The following MMS22L variants were observed in gnomAD, a reference collection of about 807,000 sequenced individuals.
MMS22L encodes the protein protein MMS22-like.
MMS22L carries 74 observed loss-of-function variants against 159.1 expected under a neutral mutation model. The ratio of observed to expected loss-of-function variants is 0.47; its 90% confidence interval spans 0.39 to 0.56. The LOEUF (loss-of-function observed/expected upper bound fraction) is 0.56, where lower values mean the gene tolerates loss of function less well. MMS22L is among the 20% of genes least tolerant of loss of function. The probability of loss-of-function intolerance (pLI) is 0.00; values close to 1 mark genes in which losing one functional copy is unlikely to be tolerated. For synonymous variants in MMS22L, 517 were observed against 506.9 expected (o/e 1.02, Z -0.27); for missense variants, 1,351 against 1,422.1 (o/e 0.95, Z 0.80).
intron 14 of MMS22L, among the ~76,000 whole-genome samples, chr6:97,206,140 C>T (rs1031503426): frequency 1.3e-5 from 2 of 152,110 alleles, no homozygotes; most frequent in Admixed American, 6.5e-5. Context: ...CAAATGAGTG[C>T]CCTCCAACCC....
chr6:97,270,059 TCA>T, intron 6 of MMS22L, 67 bp from the exon 7 acceptor site: 1 of 1,194,350 alleles, frequency 8.4e-7, no homozygotes, highest in Non-Finnish European at 1.2e-6. Context: ...TCATAGCATG[TCA>T]CAATACTCCT....
intron 14 of MMS22L, 80 bp from the exon 15 acceptor site, chr6:97,186,770 C>T: frequency 9.9e-7 from 1 of 1,009,718 alleles, no homozygotes; most frequent in Non-Finnish European, 1.4e-6. Flanking sequence ...TGAGCTTTTT[C>T]CATTTATATC....
intron 14 of MMS22L, among the ~76,000 whole-genome samples, chr6:97,209,102 A>G (rs979092194): frequency 6.6e-6 from 1 of 151,948 alleles, no homozygotes; most frequent in African/African-American, 2.4e-5. Context: ...CTATTTCAAA[A>G]TATCTTTCCT....
chr6:97,172,511 GAT>G (rs1201784916), intron 19 of MMS22L, among the ~76,000 whole-genome samples: 5 of 152,100 alleles, frequency 3.3e-5, no homozygotes, highest in African/African-American at 1.2e-4. Flanking sequence ...GTGAAAAAAA[GAT>G]ATGTTAATCA....
chr6:97,202,690 C>G (rs1167694502), intron 14 of MMS22L, among the ~76,000 whole-genome samples: 2 of 152,126 alleles, frequency 1.3e-5, no homozygotes, highest in Non-Finnish European at 2.9e-5. Flanking sequence ...GTGTATCTGA[C>G]TCCAAAGCAT....
intron 14 of MMS22L, among the ~76,000 whole-genome samples, chr6:97,223,340 T>A (rs63212660): frequency 0.65 from 98,658 of 151,380 alleles, 33,453 homozygotes; most frequent in Non-Finnish European, 0.76. Flanking sequence ...GGCTAAGGTT[T>A]AAGTATTTCA....
intron 14 of MMS22L, among the ~76,000 whole-genome samples, chr6:97,226,568 C>T (rs1202117917): frequency 6.6e-6 from 1 of 151,794 alleles, no homozygotes; most frequent in Non-Finnish European, 1.5e-5. Flanking sequence ...CACTCCAGCT[C>T]GGGTGCACAG....
At chr6:97,273,467 C>T (rs977439563) in intron 4 of MMS22L, among the ~76,000 whole-genome samples, 28 of 152,072 alleles carry the variant, frequency 1.8e-4, no homozygotes, top group African/African-American at 6.8e-4. Flanking sequence ...ATATCTCTTC[C>T]CATATGTATG....
chr6:97,195,646 C>A (rs1806413944), intron 14 of MMS22L, among the ~76,000 whole-genome samples: 1 of 152,054 alleles, frequency 6.6e-6, no homozygotes, highest in African/African-American at 2.4e-5. Context: ...AATGGTTAAT[C>A]CTGCTGTTAA....
intron 14 of MMS22L, among the ~76,000 whole-genome samples, chr6:97,228,200 C>T (rs559967406): frequency 1.3e-5 from 2 of 152,254 alleles, no homozygotes; most frequent in South Asian, 2.1e-4. Flanking sequence ...ATATCTGTAA[C>T]GTATCTCTGG....
intron 16 of MMS22L, among the ~76,000 whole-genome samples, chr6:97,181,642 T>C (rs558822596): frequency 4.6e-5 from 7 of 152,246 alleles, no homozygotes; most frequent in African/African-American, 1.7e-4. Flanking sequence ...CACTTCAGTA[T>C]GATGATAAGG....
At chr6:97,220,864 CA>C (rs1443228034) in intron 14 of MMS22L, among the ~76,000 whole-genome samples, 1 of 151,028 alleles carries the variant, frequency 6.6e-6, no homozygotes, top group Non-Finnish European at 1.5e-5. Flanking sequence ...CACACTAAAA[CA>C]ACAACAACAA....
chr6:97,277,667 T>C (rs1389544122), intron 4 of MMS22L, among the ~76,000 whole-genome samples: 3 of 151,970 alleles, frequency 2.0e-5, no homozygotes, highest in East Asian at 3.9e-4. Flanking sequence ...TAGATAAAAA[T>C]TAAAATACCC....
intron 11 of MMS22L, among the ~76,000 whole-genome samples, chr6:97,241,573 C>A (rs1466840284): frequency 6.6e-6 from 1 of 151,808 alleles, no homozygotes; most frequent in African/African-American, 2.4e-5. Flanking sequence ...ATTTTTTCAT[C>A]TGTTTCTTGG....
chr6:97,224,265 CTTTT>C (rs1440908590), intron 14 of MMS22L, among the ~76,000 whole-genome samples: 1 of 152,192 alleles, frequency 6.6e-6, no homozygotes, highest in African/African-American at 2.4e-5. Context: ...CTTCATCATC[CTTTT>C]TTGATTTCTA....
chr6:97,244,370 A>T (rs1186739372), intron 11 of MMS22L, among the ~76,000 whole-genome samples: 1 of 152,132 alleles, frequency 6.6e-6, no homozygotes, highest in African/African-American at 2.4e-5. Flanking sequence ...GTAGAGAAAG[A>T]CTGTTGATAG....
In MMS22L at chr6:97,273,019, C is replaced by T. The variant is rs138805555; in HGVS notation, c.384G>A (p.Gln128=). Residue 128 remains glutamine, a synonymous_variant, in exon 5 of 25, where the codon CAG becomes CAA. Transcript: ENST00000683635. The part of the protein sequence containing the change: ...TLHCKADNIR[Q]QCVLFLHYVK... The stretch of plus-strand genomic sequence containing the variant: ...CATAATGGAGAAATAGTACACACTG[C>T]TGCCTAATATTGTCTGCTTTGCAGT... 1.2e-5 allele frequency: 20 copies of T among 1,612,934 alleles called. No homozygotes were observed. The African/African-American group carries it at 2.3e-4, about 18-fold the overall frequency.
intron 10 of MMS22L, among the ~76,000 whole-genome samples, chr6:97,248,088 T>C (rs1358360496): frequency 1.3e-5 from 2 of 152,210 alleles, no homozygotes; most frequent in Admixed American, 6.5e-5. Flanking sequence ...AGACTACCAA[T>C]ACCAATATAA....
At chr6:97,197,651 T>G (rs1456631559) in intron 14 of MMS22L, among the ~76,000 whole-genome samples, 2 of 152,196 alleles carry the variant, frequency 1.3e-5, no homozygotes, top group African/African-American at 4.8e-5. Flanking sequence ...GCACTAGATC[T>G]TATCCAAAAT....
Sources: gnomAD v4.1 joint callset for allele counts (sites outside exome capture counted in the v4.1 genomes callset) on GRCh38, gnomAD v4.1.1 for gene constraint, MANE v1.5 for transcripts, NCBI Gene and HGNC (gene_info 2026-07-23, HGNC 2026-07-21) for gene names.